The following SLC44A5 variants were observed in gnomAD, a reference collection of about 807,000 sequenced individuals.
SLC44A5 encodes the protein choline transporter-like protein 5.
In SLC44A5, 57 loss-of-function variants were observed where a neutral mutation model predicts 101.8. That is an observed-to-expected ratio of 0.56 (90% CI 0.45 to 0.70). The LOEUF is 0.70. Among genes scored for constraint, SLC44A5 ranks in the 30% least tolerant of loss-of-function variants. SLC44A5 has a pLI of 0.00. For synonymous variants in SLC44A5, 281 were observed against 290.9 expected, an observed-to-expected ratio of 0.97 and a Z score of 0.35; for missense variants, 737 against 853.1, an observed-to-expected ratio of 0.86 and a Z score of 1.70.
At chr1:75,702,614 C>A in the SLC44A5 span, among the ~76,000 whole-genome samples, 1 of 152,130 alleles carries the variant, frequency 6.6e-6, no homozygotes, top group South Asian at 2.1e-4. Context: ...GACTTCATGT[C>A]TAAAACACCA....
chr1:75,302,743 T>G (rs939728996), intron 4 of SLC44A5, among the ~76,000 whole-genome samples: 22 of 152,212 alleles, frequency 1.4e-4, no homozygotes, highest in African/African-American at 3.1e-4. Context: ...AAATCAGGGT[T>G]ACTTGAACAC....
chr1:75,546,875 C>G (rs1671679750), intron 1 of SLC44A5, among the ~76,000 whole-genome samples: 1 of 152,122 alleles, frequency 6.6e-6, no homozygotes, highest in Non-Finnish European at 1.5e-5. Context: ...AAAATAAACT[C>G]ATACTAACTT....
At chr1:75,386,151 G>A (rs1393671652) in intron 3 of SLC44A5, among the ~76,000 whole-genome samples, 1 of 151,958 alleles carries the variant, frequency 6.6e-6, no homozygotes, top group Non-Finnish European at 1.5e-5. Flanking sequence ...ACTGGCACAA[G>A]ACAGGGATGC....
At chr1:75,669,387 A>C in the SLC44A5 span, among the ~76,000 whole-genome samples, 1 of 151,914 alleles carries the variant, frequency 6.6e-6, no homozygotes, top group Non-Finnish European at 1.5e-5. Context: ...CTGGCTTGAC[A>C]CTCCCAAACA....
chr1:75,674,712 C>T, the SLC44A5 span, among the ~76,000 whole-genome samples: 1 of 143,136 alleles, frequency 7.0e-6, no homozygotes, highest in Non-Finnish European at 1.6e-5. Flanking sequence ...ATGAAGTGCA[C>T]CTACAGGATC....
chr1:75,248,922 G>A (rs942970888), intron 7 of SLC44A5, among the ~76,000 whole-genome samples: 2 of 152,108 alleles, frequency 1.3e-5, no homozygotes, highest in African/African-American at 4.8e-5. Flanking sequence ...GTCAGGTAAG[G>A]AGAGAGATGC....
intron 3 of SLC44A5, among the ~76,000 whole-genome samples, chr1:75,346,699 G>A (rs774085659): frequency 1.3e-5 from 2 of 151,878 alleles, no homozygotes; most frequent in African/African-American, 4.8e-5. Context: ...GAGCTTGAAG[G>A]TTATCAACTT....
At chr1:75,300,128 TG>T (rs1557638073) in intron 5 of SLC44A5, among the ~76,000 whole-genome samples, 1 of 151,222 alleles carries the variant, frequency 6.6e-6, no homozygotes, top group Non-Finnish European at 1.5e-5. Flanking sequence ...AGTATATCTT[TG>T]CTAGCTATCA....
chr1:75,653,632 ACC>A, the SLC44A5 span, among the ~76,000 whole-genome samples: 62 of 152,334 alleles, frequency 4.1e-4, no homozygotes, highest in East Asian at 0.01. Context: ...CACTGATTTA[ACC>A]ACTATTTAGC....
intron 2 of SLC44A5, among the ~76,000 whole-genome samples, chr1:75,458,649 A>C (rs2101685487): frequency 6.6e-6 from 1 of 152,330 alleles, no homozygotes; most frequent in South Asian, 2.1e-4. Context: ...GGAATATGTA[A>C]AAAATGAAGG....
intron 3 of SLC44A5, among the ~76,000 whole-genome samples, chr1:75,386,683 T>C (rs1279652565): frequency 2.6e-5 from 4 of 152,092 alleles, no homozygotes; most frequent in Non-Finnish European, 5.9e-5. Context: ...TACCAATGAC[T>C]TTCTTCACAG....
At chr1:75,634,363 G>T in the SLC44A5 span, among the ~76,000 whole-genome samples, 1 of 151,940 alleles carries the variant, frequency 6.6e-6, no homozygotes, top group African/African-American at 2.4e-5. Context: ...GACTCTTTTT[G>T]GTTGGTAAGC....
At chr1:75,481,422 A>G (rs1454209087) in intron 2 of SLC44A5, among the ~76,000 whole-genome samples, 2 of 152,194 alleles carry the variant, frequency 1.3e-5, no homozygotes, top group Non-Finnish European at 2.9e-5. Context: ...GTTAAACTCA[A>G]GAGCTTCTGC....
At chr1:75,694,910 G>A in the SLC44A5 span, among the ~76,000 whole-genome samples, 3 of 152,092 alleles carry the variant, frequency 2.0e-5, no homozygotes, top group Non-Finnish European at 4.4e-5. Context: ...TGGTTGGGAC[G>A]CTCAGCATTT....
intron 2 of SLC44A5, among the ~76,000 whole-genome samples, chr1:75,456,613 C>A (rs1666200962): frequency 6.6e-6 from 1 of 152,152 alleles, no homozygotes; most frequent in Non-Finnish European, 1.5e-5. Context: ...TCTGTTTTCA[C>A]TTGGAGTTTT....
At chr1:75,245,781 AAAC>A (rs1322410411) in intron 7 of SLC44A5, among the ~76,000 whole-genome samples, 1 of 152,162 alleles carries the variant, frequency 6.6e-6, no homozygotes, top group African/African-American at 2.4e-5. Flanking sequence ...AGCTGTTAAA[AAAC>A]AATACAACTG....
chr1:75,688,736 C>T, the SLC44A5 span, among the ~76,000 whole-genome samples: 2 of 152,134 alleles, frequency 1.3e-5, no homozygotes, highest in African/African-American at 4.8e-5. Flanking sequence ...AAAATAATTT[C>T]CCATACAAGT....
chr1:75,498,793 G>C (rs1042379943), intron 2 of SLC44A5, among the ~76,000 whole-genome samples: 1 of 152,134 alleles, frequency 6.6e-6, no homozygotes, highest in Non-Finnish European at 1.5e-5. Flanking sequence ...AGAACTCATA[G>C]ATCATAAGTA....
At chr1:75,376,312 G>A (rs1395424682) in intron 3 of SLC44A5, among the ~76,000 whole-genome samples, 2 of 152,346 alleles carry the variant, frequency 1.3e-5, no homozygotes, top group Admixed American at 6.5e-5. Context: ...CAGCCAGGAA[G>A]CTCCAACTGG....
Sources: allele counts gnomAD v4.1 joint callset (sites outside exome capture counted in the v4.1 genomes callset), GRCh38; gene constraint gnomAD v4.1.1; transcripts MANE v1.5; gene names NCBI Gene and HGNC (gene_info 2026-07-23, HGNC 2026-07-21).